Variants in TUSC3 observed in about 807,000 individuals in gnomAD.
The protein encoded by TUSC3 is dolichyl-diphosphooligosaccharide--protein glycosyltransferase subunit TUSC3.
TUSC3 carries 45 observed loss-of-function variants against 44.8 expected under a neutral mutation model. That is an observed-to-expected ratio of 1.00 (90% CI 0.79 to 1.29). The LOEUF is 1.29. Among genes scored for constraint, TUSC3 ranks in the 50% most tolerant of loss-of-function variants. The pLI is 0.00. For synonymous variants in TUSC3, 212 were observed against 152.9 expected, an observed-to-expected ratio of 1.39 and a Z score of -2.85; for missense variants, 519 against 437.9, an observed-to-expected ratio of 1.19 and a Z score of -1.65.
the TUSC3 span, among the ~76,000 whole-genome samples, chr8:15,822,709 T>C: frequency 6.6e-6 from 1 of 152,006 alleles, no homozygotes; most frequent in Admixed American, 6.6e-5. Flanking sequence ...TCCTGTGAGG[T>C]ATGAAAAGCA....
intron 1 of TUSC3, among the ~76,000 whole-genome samples, chr8:15,543,570 A>T (rs1054522378): frequency 6.6e-6 from 1 of 152,106 alleles, no homozygotes; most frequent in African/African-American, 2.4e-5. Context: ...TGTATGTAAC[A>T]TGTAAAATAT....
At chr8:15,589,551 A>G (rs1208977867) in intron 1 of TUSC3, among the ~76,000 whole-genome samples, 1 of 152,168 alleles carries the variant, frequency 6.6e-6, no homozygotes, top group Non-Finnish European at 1.5e-5. Context: ...TTAATGTTAA[A>G]TTTGCCTTGA....
chr8:15,486,408 T>C (rs1487688916), intron 2 of TUSC3, among the ~76,000 whole-genome samples: 1 of 152,168 alleles, frequency 6.6e-6, no homozygotes, highest in East Asian at 1.9e-4. Flanking sequence ...TTTGGTTTGA[T>C]CATTCTATAA....
At chr8:15,771,400 A>G (rs1030663783), downstream of TUSC3, among the ~76,000 whole-genome samples, 2 of 152,198 alleles carry the variant, frequency 1.3e-5, no homozygotes. Context: ...AAAAGAACCA[A>G]GTTGAAGAGT....
At chr8:15,571,299 T>C (rs562325072) in intron 1 of TUSC3, among the ~76,000 whole-genome samples, 3 of 152,144 alleles carry the variant, frequency 2.0e-5, no homozygotes, top group African/African-American at 7.2e-5. Context: ...TTCAATTGAA[T>C]ACAGGTGTAA....
At chr8:15,716,184 A>C (rs889275212) in intron 6 of TUSC3, among the ~76,000 whole-genome samples, 3 of 152,202 alleles carry the variant, frequency 2.0e-5, no homozygotes, top group African/African-American at 7.2e-5. Context: ...TGAGCCCAGT[A>C]GGTGGAGGTT....
At chr8:15,722,719 C>T (rs1432729732) in intron 6 of TUSC3, among the ~76,000 whole-genome samples, 1 of 151,894 alleles carries the variant, frequency 6.6e-6, no homozygotes, top group Non-Finnish European at 1.5e-5. Flanking sequence ...CTCTGGACTC[C>T]CACTGTTCCA....
intron 1 of TUSC3, among the ~76,000 whole-genome samples, chr8:15,544,557 T>C (rs1801801990): frequency 6.6e-6 from 1 of 151,890 alleles, no homozygotes; most frequent in Non-Finnish European, 1.5e-5. Flanking sequence ...GCCTTTGACA[T>C]AACTTCTATA....
the TUSC3 span, among the ~76,000 whole-genome samples, chr8:15,789,384 T>C: frequency 1.3e-5 from 2 of 152,210 alleles, no homozygotes; most frequent in Non-Finnish European, 2.9e-5. Context: ...GTGTTTCATA[T>C]CATCTCAACC....
chr8:15,734,568 A>G (rs763685997), intron 7 of TUSC3, among the ~76,000 whole-genome samples: 4 of 152,170 alleles, frequency 2.6e-5, no homozygotes, highest in Non-Finnish European at 5.9e-5. Context: ...CCTTTTGTTA[A>G]TGCTTTCACC....
chr8:15,826,335 G>A, the TUSC3 span, among the ~76,000 whole-genome samples: 1 of 152,228 alleles, frequency 6.6e-6, no homozygotes, highest in South Asian at 2.1e-4. Context: ...CTTCCAGACA[G>A]CGAATAAATA....
chr8:15,632,336 T>C (rs536943215), intron 2 of TUSC3, among the ~76,000 whole-genome samples: 9 of 152,330 alleles, frequency 5.9e-5, no homozygotes, highest in African/African-American at 2.2e-4. Context: ...TGATTGTTTC[T>C]TCCTGATTAT....
intron 2 of TUSC3, among the ~76,000 whole-genome samples, chr8:15,494,519 G>C (rs1238336300): frequency 2.0e-5 from 3 of 152,134 alleles, no homozygotes; most frequent in Admixed American, 6.5e-5. Context: ...GGGTTTCACT[G>C]TGTTAGCCAG....
chr8:15,748,881 C>CTTTTCCCTTT (rs1811541484), intron 9 of TUSC3: 6 of 386,058 alleles, frequency 1.6e-5, no homozygotes, highest in South Asian at 1.1e-4. Flanking sequence ...AAAATAAGAG[C>CTTTTCCCTTT]CAACATGAAA....
chr8:15,592,560 G>A (rs1283834959), intron 1 of TUSC3, among the ~76,000 whole-genome samples: 1 of 152,040 alleles, frequency 6.6e-6, no homozygotes, highest in African/African-American at 2.4e-5. Flanking sequence ...TCTTTTGCTC[G>A]CTCTCACCAT....
At chr8:15,747,400 ATTTC>A (rs1456525066) in intron 8 of TUSC3, among the ~76,000 whole-genome samples, 3 of 151,906 alleles carry the variant, frequency 2.0e-5, no homozygotes, top group Non-Finnish European at 4.4e-5. Flanking sequence ...ATGTTTAGAT[ATTTC>A]TTAAGAGATT....
At position 15,765,301 on chromosome 8, in the gene TUSC3, T is replaced by C. The variant is rs192087639; in HGVS notation, c.*1145T>C. 2.8e-4 allele frequency: 42 copies of C among 152,146 alleles called. No individual in the cohort carries two copies. The highest frequency in any genetic ancestry group is 9.9e-4 in the African/African-American group (41 of 41,566). The allele number at this position is 152,146 out of a possible 1,614,324, so 9.4% of individuals were successfully genotyped here. ...TGGATTTTTATATTCTGTGGAGTTA[T>C]CCAAATTAATTAGGGTTTAGGAAAG... On this transcript the variant is annotated 3_prime_UTR_variant, in exon 11 of 11. Transcript: ENST00000503731.
the TUSC3 span, among the ~76,000 whole-genome samples, chr8:15,784,521 T>C: frequency 3.6e-4 from 55 of 151,698 alleles, 1 homozygote; most frequent in African/African-American, 1.3e-3. Context: ...TGTGTGCATA[T>C]ATATATATAC....
At chr8:15,743,772 A>G (rs17121896) in intron 8 of TUSC3, among the ~76,000 whole-genome samples, 160 bp downstream of exon 8, 1 of 152,162 alleles carries the variant, frequency 6.6e-6, no homozygotes, top group Non-Finnish European at 1.5e-5. Flanking sequence ...ATGTGTTCAT[A>G]TACTTGAAAA....
Sources: allele counts gnomAD v4.1 joint callset (sites outside exome capture counted in the v4.1 genomes callset), GRCh38; gene constraint gnomAD v4.1.1; transcripts MANE v1.5; gene names NCBI Gene and HGNC (gene_info 2026-07-23, HGNC 2026-07-21).